The following PPP2R2C variants were observed in gnomAD, a reference collection of about 807,000 sequenced individuals.
The protein encoded by PPP2R2C is protein phosphatase 2 regulatory subunit Bgamma.
Under a neutral mutation model 45.3 loss-of-function variants are expected in PPP2R2C, and 10 were observed. That is an observed-to-expected ratio of 0.22 (90% CI 0.14 to 0.37). The LOEUF (loss-of-function observed/expected upper bound fraction) is 0.37, where lower values mean the gene tolerates loss of function less well. Ranked by LOEUF, PPP2R2C falls within the 10% of genes least tolerant of loss-of-function variation. PPP2R2C has a pLI of 1.00. For missense variants in PPP2R2C, 308 were observed against 619.7 expected (o/e 0.50, Z 5.34); for synonymous variants, 257 against 245.4 (o/e 1.05, Z -0.44).
At chr4:6,527,740 G>A (rs368572865) in intron 2 of PPP2R2C, among the ~76,000 whole-genome samples, 5 of 152,090 alleles carry the variant, frequency 3.3e-5, no homozygotes, top group African/African-American at 7.2e-5. Context: ...GGCCCCAGCC[G>A]GGAACAGAGA....
At chr4:6,373,598 CAG>C (rs1400495662) in intron 4 of PPP2R2C, among the ~76,000 whole-genome samples, 7 of 152,210 alleles carry the variant, frequency 4.6e-5, no homozygotes, top group African/African-American at 1.7e-4. Flanking sequence ...CAAGGCCTAG[CAG>C]AGAGACTCTC....
chr4:6,442,429 G>A (rs1223496606), intron 1 of PPP2R2C, among the ~76,000 whole-genome samples: 1 of 152,242 alleles, frequency 6.6e-6, no homozygotes, highest in African/African-American at 2.4e-5. Context: ...TTGGCCACGT[G>A]CTTCAGTCCG....
chr4:6,403,061 A>G, intron 1 of PPP2R2C, among the ~76,000 whole-genome samples: 1 of 152,364 alleles, frequency 6.6e-6, no homozygotes, highest in South Asian at 2.1e-4. Flanking sequence ...ATTTCCACTG[A>G]GGCCAGAAGG....
chr4:6,542,964 C>A (rs1577249522), intron 1 of PPP2R2C, among the ~76,000 whole-genome samples: 1 of 152,162 alleles, frequency 6.6e-6, no homozygotes, highest in Admixed American at 6.5e-5. Context: ...GACAACCCAA[C>A]AGGAAAAAAA....
intron 2 of PPP2R2C, among the ~76,000 whole-genome samples, chr4:6,531,007 G>A (rs1724378256): frequency 6.6e-6 from 1 of 152,202 alleles, no homozygotes; most frequent in African/African-American, 2.4e-5. Flanking sequence ...GTGTGTGGAG[G>A]GGAGGAGCCC....
chr4:6,474,488 A>G (rs1234928377), upstream of PPP2R2C, among the ~76,000 whole-genome samples: 2 of 152,018 alleles, frequency 1.3e-5, no homozygotes, highest in Non-Finnish European at 2.9e-5. Flanking sequence ...CTCTCTGATC[A>G]TGGAGAAGTC....
chr4:6,436,337 T>C (rs1229689338), intron 1 of PPP2R2C, among the ~76,000 whole-genome samples: 1 of 152,238 alleles, frequency 6.6e-6, no homozygotes, highest in Non-Finnish European at 1.5e-5. Flanking sequence ...ACAGAAGGTG[T>C]AGAAAATTCT....
chr4:6,361,823 C>T (rs558231146), intron 5 of PPP2R2C, among the ~76,000 whole-genome samples: 48 of 152,328 alleles, frequency 3.2e-4, no homozygotes, highest in Admixed American at 5.9e-4. Context: ...CCAGACCCCG[C>T]CCTGACTGCT....
rs6812256 is a variant in PPP2R2C at position 6,372,118 on chromosome 4, C to T, written c.625+405G>A. Among the ~76,000 whole-genome samples, 1,344 of 152,348 alleles carry T rather than the reference C, an allele frequency of 8.8e-3. 16 individuals are homozygous for T. Among genetic ancestry groups the T allele is most frequent in the African/African-American group, 0.031 (1,293 of 41,594 alleles). On this transcript the variant is annotated intron_variant, in intron 5 of 8. Transcript: ENST00000382599. The stretch of plus-strand genomic sequence containing the variant: ...TGGCCGGGGCCCCAGTGCTGGTCCT[C>T]CTATGCTAACACAGCCTGCCTTGGG...
chr4:6,537,233 GA>G (rs1215276241), intron 1 of PPP2R2C, among the ~76,000 whole-genome samples: 10 of 151,944 alleles, frequency 6.6e-5, no homozygotes. Context: ...CATCAAAGGG[GA>G]AAAAATCAAG....
intron 1 of PPP2R2C, among the ~76,000 whole-genome samples, chr4:6,460,602 C>T (rs540591267): frequency 1.4e-4 from 21 of 152,224 alleles, no homozygotes; most frequent in Non-Finnish European, 2.2e-4. Context: ...ACAGTAGATG[C>T]TCAAAAACCA....
intron 1 of PPP2R2C, among the ~76,000 whole-genome samples, chr4:6,405,868 G>C (rs1717765478): frequency 6.6e-6 from 1 of 152,180 alleles, no homozygotes; most frequent in Non-Finnish European, 1.5e-5. Flanking sequence ...AGAAAGAAAG[G>C]TTTTGTCATC....
intron 2 of PPP2R2C, among the ~76,000 whole-genome samples, chr4:6,487,549 T>C (rs1722567569): frequency 6.6e-6 from 1 of 152,148 alleles, no homozygotes; most frequent in South Asian, 2.1e-4. Flanking sequence ...ACTTGCATTA[T>C]TTTCTAGAGA....
chr4:6,451,173 C>T (rs571567516), intron 1 of PPP2R2C, among the ~76,000 whole-genome samples: 1 of 152,332 alleles, frequency 6.6e-6, no homozygotes, highest in South Asian at 2.1e-4. Flanking sequence ...TCTGCGGGCT[C>T]CTCAGGACAC....
intron 1 of PPP2R2C, among the ~76,000 whole-genome samples, chr4:6,404,921 C>G (rs994549441): frequency 1.3e-5 from 2 of 152,252 alleles, no homozygotes; most frequent in Admixed American, 1.3e-4. Context: ...ACTGTGCCAT[C>G]TTGAGCAAGG....
chr4:6,394,904 G>A (rs1291444038), intron 1 of PPP2R2C, among the ~76,000 whole-genome samples: 2 of 152,218 alleles, frequency 1.3e-5, no homozygotes, highest in African/African-American at 2.4e-5. Context: ...CTGCTCCAGG[G>A]CAGGGGTCAG....
chr4:6,536,428 C>G (rs1322475675), intron 1 of PPP2R2C, among the ~76,000 whole-genome samples: 1 of 152,176 alleles, frequency 6.6e-6, no homozygotes, highest in Non-Finnish European at 1.5e-5. Context: ...AAAAGAAACA[C>G]ACACGAAGAA....
chr4:6,510,980 C>CAAAAAAAAAAAAAAA (rs752037080), intron 2 of PPP2R2C, among the ~76,000 whole-genome samples: 14 of 41,280 alleles, frequency 3.4e-4, no homozygotes, highest in East Asian at 1.8e-3. Flanking sequence ...CCGTCTCAAA[C>CAAAAAAAAAAAAAAA]AAAAAAAAAC....
chr4:6,381,078 G>A lies in PPP2R2C; in HGVS notation c.87C>T (p.Thr29=), dbSNP rs563983100. The A allele has an allele frequency of 8.6e-5, 137 of 1,594,824 alleles. No individual in the cohort carries two copies. Among genetic ancestry groups the A allele is most frequent in the East Asian group, 2.9e-4 (13 of 44,240 alleles). ...SYVTEADIIS[T]VEFNHTGELL... ...GCTCTCCCGTGTGGTTGAACTCAAC[G>A]GTAGAGATGATGTCAGCTGGGAGGG... The change falls in exon 2 of 9, where the codon ACC becomes ACT. Residue 29 remains threonine (T), a synonymous_variant. Transcript: ENST00000382599.
Sources: allele counts gnomAD v4.1 joint callset (sites outside exome capture counted in the v4.1 genomes callset), GRCh38; gene constraint gnomAD v4.1.1; transcripts MANE v1.5; gene names NCBI Gene and HGNC (gene_info 2026-07-23, HGNC 2026-07-21).